Variants in RGS6 observed in about 807,000 individuals in gnomAD.
RGS6 encodes regulator of G protein signaling 6, also known as regulator of G-protein signaling 6.
Under a neutral mutation model 78.5 loss-of-function variants are expected in RGS6, and 30 were observed. The observed-to-expected ratio is 0.38, with a 90% CI of 0.29 to 0.52. The LOEUF (loss-of-function observed/expected upper bound fraction) is 0.52. RGS6 is among the 20% of genes least tolerant of loss of function. The pLI is 0.85. For missense variants in RGS6, 495 were observed against 609.7 expected, an observed-to-expected ratio of 0.81 and a Z score of 1.98; for synonymous variants, 206 against 206.0, an observed-to-expected ratio of 1.00 and a Z score of 0.00.
intron 2 of RGS6, among the ~76,000 whole-genome samples, chr14:71,988,636 A>G (rs1229171477): frequency 2.6e-5 from 4 of 152,078 alleles, no homozygotes; most frequent in East Asian, 1.9e-4. Flanking sequence ...AGCCTAAAAT[A>G]TTTACTAACT....
chr14:72,024,662 C>T (rs984695630), intron 2 of RGS6, among the ~76,000 whole-genome samples: 2 of 152,172 alleles, frequency 1.3e-5, no homozygotes, highest in African/African-American at 4.8e-5. Flanking sequence ...AAAAGTCCCA[C>T]AAGATGGGCA....
intron 2 of RGS6, among the ~76,000 whole-genome samples, chr14:72,135,492 C>G (rs2096418496): frequency 6.6e-6 from 1 of 152,158 alleles, no homozygotes; most frequent in African/African-American, 2.4e-5. Context: ...TGCTCTGTAT[C>G]CTCCACTTTC....
intron 13 of RGS6, among the ~76,000 whole-genome samples, chr14:72,496,906 T>C (rs1323211100): frequency 1.3e-5 from 2 of 152,206 alleles, no homozygotes; most frequent in East Asian, 3.8e-4. Flanking sequence ...TGGCAGTCTT[T>C]CCATGTAAAC....
chr14:71,990,611 T>G, intron 2 of RGS6: 1 of 456,072 alleles, frequency 2.2e-6, no homozygotes, highest in Non-Finnish European at 4.4e-6. Context: ...CCCCAATCTC[T>G]GCATATTCCT....
chr14:72,098,897 G>A (rs78910379), intron 2 of RGS6, among the ~76,000 whole-genome samples: 39 of 152,278 alleles, frequency 2.6e-4, no homozygotes, highest in Non-Finnish European at 4.6e-4. Flanking sequence ...AGTACCCACA[G>A]GGCACACACA....
intron 15 of RGS6, among the ~76,000 whole-genome samples, chr14:72,530,832 T>C (rs1348729444): frequency 1.3e-5 from 2 of 152,204 alleles, no homozygotes; most frequent in African/African-American, 4.8e-5. Flanking sequence ...TAATCCTCAT[T>C]CTCCTTCTGT....
chr14:72,395,203 C>T (rs1178643019), intron 3 of RGS6, among the ~76,000 whole-genome samples: 1 of 152,066 alleles, frequency 6.6e-6, no homozygotes, highest in Non-Finnish European at 1.5e-5. Context: ...TCAAGAGTTG[C>T]AGAAAAGTAA....
At chr14:72,286,250 A>G (rs2062527508) in intron 2 of RGS6, among the ~76,000 whole-genome samples, 1 of 152,174 alleles carries the variant, frequency 6.6e-6, no homozygotes, top group African/African-American at 2.4e-5. Context: ...TTTGCAGCAT[A>G]ATTTATCAAG....
chr14:72,604,365 C>G, the RGS6 span, among the ~76,000 whole-genome samples: 1 of 152,222 alleles, frequency 6.6e-6, no homozygotes, highest in Non-Finnish European at 1.5e-5. Flanking sequence ...CTTATACATT[C>G]TTCAAGGTTC....
chr14:72,246,624 T>C (rs1006414053), intron 2 of RGS6, among the ~76,000 whole-genome samples: 7 of 152,164 alleles, frequency 4.6e-5, no homozygotes, highest in Non-Finnish European at 7.3e-5. Flanking sequence ...AGAATATTAT[T>C]GAAGGCTTGG....
chr14:72,482,394 G>A (rs1047391074), intron 12 of RGS6, among the ~76,000 whole-genome samples: 7 of 151,998 alleles, frequency 4.6e-5, no homozygotes, highest in Non-Finnish European at 1.0e-4. Context: ...CCCAACCCCT[G>A]CTTTCCAATC....
chr14:72,569,434 C>A (rs1349584658), downstream of RGS6, among the ~76,000 whole-genome samples: 1 of 152,178 alleles, frequency 6.6e-6, no homozygotes, highest in African/African-American at 2.4e-5. Flanking sequence ...AATCCCCGCA[C>A]TTTGGGAGGC....
At chr14:72,010,715 TAAC>T (rs2085494041) in intron 2 of RGS6, among the ~76,000 whole-genome samples, 1 of 152,190 alleles carries the variant, frequency 6.6e-6, no homozygotes. Flanking sequence ...GGGAGGAAGA[TAAC>T]AATCTAATTT....
chr14:72,559,437 G>A (rs948341331), intron 17 of RGS6, among the ~76,000 whole-genome samples: 5 of 152,170 alleles, frequency 3.3e-5, no homozygotes, highest in African/African-American at 9.6e-5. Flanking sequence ...ATGATTAACC[G>A]CCTTCCAGTC....
At position 71,972,835 on chromosome 14, in the gene RGS6, C is replaced by T. The variant is rs182653473; in HGVS notation, c.84+7960C>T. Among the ~76,000 whole-genome samples the T allele has an allele frequency of 5.3e-5, 8 of 152,188 alleles. 1 individual carries two copies. Among genetic ancestry groups the T allele is most frequent in the East Asian group, 1.9e-4 (1 of 5,176 alleles). ...CAACAGAATTTGGGGGCTGAGAAGA[C>T]GTAGGGAGAATTTGAGAATAATGAG... On this transcript the variant is annotated intron_variant, in intron 2 of 17. Transcript: ENST00000553525.
chr14:72,045,528 C>T (rs1596536172), intron 2 of RGS6, among the ~76,000 whole-genome samples: 2 of 152,110 alleles, frequency 1.3e-5, no homozygotes, highest in African/African-American at 4.8e-5. Context: ...GAGTTTGCAT[C>T]TTGCAGCTCT....
intron 2 of RGS6, among the ~76,000 whole-genome samples, chr14:72,049,396 T>C (rs187846983): frequency 1.9e-4 from 29 of 152,286 alleles, no homozygotes; most frequent in Non-Finnish European, 3.8e-4. Flanking sequence ...GAAAACAAAG[T>C]GAGGGCTTCG....
At chr14:72,392,308 A>T (rs1158963018) in intron 3 of RGS6, among the ~76,000 whole-genome samples, 2 of 152,104 alleles carry the variant, frequency 1.3e-5, no homozygotes, top group East Asian at 3.9e-4. Flanking sequence ...CTTGAAGTCC[A>T]AGAGGCAGGT....
intron 2 of RGS6, among the ~76,000 whole-genome samples, chr14:72,296,635 C>T (rs73304934): frequency 0.049 from 7,486 of 152,136 alleles, 548 homozygotes; most frequent in African/African-American, 0.17. Context: ...AATGTCTATT[C>T]AGATGTTTGC....
Sources: gnomAD v4.1 joint callset for allele counts (sites outside exome capture counted in the v4.1 genomes callset) on GRCh38, gnomAD v4.1.1 for gene constraint, MANE v1.5 for transcripts, NCBI Gene and HGNC (gene_info 2026-07-23, HGNC 2026-07-21) for gene names.